Variants in TFEC observed in about 807,000 individuals in gnomAD.
The protein encoded by TFEC is transcription factor EC, also known as class E basic helix-loop-helix protein 34.
TFEC carries 31 observed loss-of-function variants against 41.6 expected under a neutral mutation model. That is an observed-to-expected ratio of 0.74 (90% CI 0.56 to 1.01). TFEC has a LOEUF of 1.01. Ranked by LOEUF, TFEC falls within the 50% of genes least tolerant of loss-of-function variation. TFEC has a pLI of 0.00. For synonymous variants in TFEC, 143 were observed against 140.6 expected (o/e 1.02, Z -0.12); for missense variants, 402 against 404.1 (o/e 0.99, Z 0.04).
At chr7:116,153,651 T>C (rs571502398) in intron 1 of TFEC, among the ~76,000 whole-genome samples, 63 of 152,168 alleles carry the variant, frequency 4.1e-4, no homozygotes, top group African/African-American at 1.2e-4. Context: ...TTAACAATAA[T>C]TGGACAAAGA....
rs183780565 is a variant in TFEC, at chr7:116,129,184, C to T, written c.-68-17146G>A. Among the ~76,000 whole-genome samples, 385 of 152,148 alleles carry T rather than the reference C, an allele frequency of 2.5e-3. 2 individuals carry two copies. The highest frequency in any genetic ancestry group is 8.4e-3 in the African/African-American group (347 of 41,534). ...TATTTATTTATTTAATTTATTTTGTCGAAGGGTTCTTTTTTCAGGAGTCCT... is the reference window on the plus strand; with the variant it reads ...TATTTATTTATTTAATTTATTTTGTTGAAGGGTTCTTTTTTCAGGAGTCCT... On this transcript the variant is annotated intron_variant, in intron 1 of 8. Coordinates refer to the TFEC transcript ENST00000484212.
At chr7:116,040,872 A>G (rs766922740) in intron 3 of TFEC, among the ~76,000 whole-genome samples, 12 of 152,234 alleles carry the variant, frequency 7.9e-5, no homozygotes, top group Non-Finnish European at 1.3e-4. Context: ...AAAGAATAAC[A>G]TTAGATTATT....
chr7:116,137,131 T>G (rs1798448134), intron 1 of TFEC, among the ~76,000 whole-genome samples: 1 of 152,132 alleles, frequency 6.6e-6, no homozygotes, highest in African/African-American at 2.4e-5. Context: ...CATCATTTCC[T>G]CATCATCATG....
upstream of TFEC, chr7:116,030,856 T>C (rs1389001065): frequency 1.5e-5 from 15 of 981,542 alleles, no homozygotes; most frequent in Non-Finnish European, 1.8e-5. Flanking sequence ...GAATTTCAGT[T>C]AAGGAAGAAG....
At chr7:116,063,336 G>A (rs762875834) in intron 3 of TFEC, among the ~76,000 whole-genome samples, 6 of 152,208 alleles carry the variant, frequency 3.9e-5, no homozygotes, top group African/African-American at 9.7e-5. Context: ...CTCTGGGGTG[G>A]CTGGGCGCGG....
At chr7:116,130,045 A>AACACACACAC (rs56872188) in intron 1 of TFEC, among the ~76,000 whole-genome samples, 7,753 of 142,108 alleles carry the variant, frequency 0.055, 232 homozygotes, top group East Asian at 0.079. Context: ...AACATGCAAG[A>AACACACACAC]ACACACACAC....
intron 4 of TFEC, among the ~76,000 whole-genome samples, chr7:115,956,026 C>A (rs1322941113): frequency 1.3e-5 from 2 of 151,942 alleles, no homozygotes; most frequent in African/African-American, 2.4e-5. Flanking sequence ...TCAGGAAACC[C>A]TTACGTTGAT....
chr7:116,031,549 G>T (rs1037230170), upstream of TFEC, among the ~76,000 whole-genome samples: 2 of 152,086 alleles, frequency 1.3e-5, no homozygotes, highest in Non-Finnish European at 2.9e-5. Context: ...ATTCATTCTT[G>T]TAACAGTTAC....
intron 1 of TFEC, among the ~76,000 whole-genome samples, chr7:115,991,190 C>G (rs575752114): frequency 4.6e-5 from 7 of 152,132 alleles, no homozygotes; most frequent in Non-Finnish European, 8.8e-5. Flanking sequence ...GATTTTGTCA[C>G]CACCAGGTCT....
chr7:116,111,034 G>C (rs1797843744), intron 2 of TFEC: 3 of 509,406 alleles, frequency 5.9e-6, no homozygotes, highest in Non-Finnish European at 9.4e-6. Flanking sequence ...GATAAGGGAG[G>C]TATTTGAAAT....
At chr7:116,115,913 G>A (rs1269958844) in intron 1 of TFEC, among the ~76,000 whole-genome samples, 1 of 151,810 alleles carries the variant, frequency 6.6e-6, no homozygotes, top group Non-Finnish European at 1.5e-5. Context: ...CTAAGACATA[G>A]GCATAATTAT....
intron 1 of TFEC, among the ~76,000 whole-genome samples, chr7:116,150,127 CACTT>C (rs1798730466): frequency 6.6e-6 from 1 of 152,196 alleles, no homozygotes; most frequent in East Asian, 1.9e-4. Context: ...ATCTTTTTCA[CACTT>C]AATCTAAAAT....
chr7:116,001,111 A>G (rs555848924), intron 1 of TFEC, among the ~76,000 whole-genome samples: 2 of 152,304 alleles, frequency 1.3e-5, no homozygotes, highest in East Asian at 1.9e-4. Context: ...ACATAAACCA[A>G]TGAAACAGAA....
intron 1 of TFEC, among the ~76,000 whole-genome samples, chr7:116,011,237 ATC>A (rs1794988566): frequency 6.6e-6 from 1 of 152,146 alleles, no homozygotes; most frequent in Non-Finnish European, 1.5e-5. Flanking sequence ...TCCAAAACAC[ATC>A]TAACCCTAGG....
intron 3 of TFEC, among the ~76,000 whole-genome samples, chr7:116,110,139 T>G (rs189484185): frequency 1.3e-5 from 2 of 152,280 alleles, no homozygotes; most frequent in Admixed American, 1.3e-4. Flanking sequence ...GACAAGTTAA[T>G]GGGTGCAGCG....
intron 1 of TFEC, among the ~76,000 whole-genome samples, chr7:115,999,648 C>A (rs904995853): frequency 2.0e-5 from 3 of 151,728 alleles, no homozygotes; most frequent in Non-Finnish European, 2.9e-5. Context: ...GGAGACATTA[C>A]AACTGATATC....
At chr7:116,093,516 C>G (rs1310488061) in intron 3 of TFEC, among the ~76,000 whole-genome samples, 1 of 152,102 alleles carries the variant, frequency 6.6e-6, no homozygotes, top group Non-Finnish European at 1.5e-5. Context: ...TATGACTAAC[C>G]TGTTAAATGG....
intron 1 of TFEC, among the ~76,000 whole-genome samples, chr7:116,115,414 A>G (rs1292145614): frequency 6.6e-6 from 1 of 151,980 alleles, no homozygotes; most frequent in Non-Finnish European, 1.5e-5. Context: ...AGGAGGCTTT[A>G]TGGGATAATC....
At chr7:116,026,059 G>A (rs1003180583) in intron 1 of TFEC, among the ~76,000 whole-genome samples, 1 of 152,140 alleles carries the variant, frequency 6.6e-6, no homozygotes, top group Non-Finnish European at 1.5e-5. Flanking sequence ...ATCAAAATAT[G>A]CTAAAACATA....
Sources: gnomAD v4.1 joint callset for allele counts (sites outside exome capture counted in the v4.1 genomes callset) on GRCh38, gnomAD v4.1.1 for gene constraint, MANE v1.5 for transcripts, NCBI Gene and HGNC (gene_info 2026-07-23, HGNC 2026-07-21) for gene names.